RBFOX3: variants seen among roughly 807,000 people sequenced by gnomAD.
RBFOX3 encodes RNA binding fox-1 homolog 3, also known as RNA binding protein fox-1 homolog 3.
A neutral mutation model predicts 48.7 loss-of-function variants in RBFOX3; 17 were observed. That is an observed-to-expected ratio of 0.35 (90% CI 0.24 to 0.52). The LOEUF (loss-of-function observed/expected upper bound fraction) is 0.52, where lower values mean the gene tolerates loss of function less well. Among genes scored for constraint, RBFOX3 ranks in the 20% least tolerant of loss-of-function variants. The pLI, the probability that RBFOX3 is intolerant of heterozygous loss-of-function variation, is 0.94. For missense variants in RBFOX3, 382 were observed against 497.5 expected (o/e 0.77, Z 2.21); for synonymous variants, 212 against 209.5 (o/e 1.01, Z -0.10).
chr17:79,151,186 C>T (rs1389912101), intron 4 of RBFOX3, among the ~76,000 whole-genome samples: 1 of 151,934 alleles, frequency 6.6e-6, no homozygotes, highest in African/African-American at 2.4e-5. Context: ...GGCATCAGAC[C>T]CTGCGTGCTG....
intron 1 of RBFOX3, among the ~76,000 whole-genome samples, chr17:79,581,091 C>CA (rs1186524256): frequency 3.0e-4 from 45 of 152,032 alleles, no homozygotes; most frequent in African/African-American, 1.0e-3. Context: ...ACTAAAAATA[C>CA]AAAAAAATTA....
chr17:79,095,532 C>G lies in RBFOX3; in HGVS notation c.979G>C (p.Ala327Pro). 6.4e-7 allele frequency: 1 copy of G among 1,551,386 alleles called. No individual in the cohort carries two copies. The highest frequency in any genetic ancestry group is 2.4e-5 in the East Asian group (1 of 40,916). The stretch of plus-strand genomic sequence containing the variant: ...CCTCACCTGTCGCTGTAGGCTGCCG[C>G]CGCTGCAGCGGGCTGAGCGTATCTG... ...AYRYAQPAAA[A>P]AAYSDSYGRV... The change falls in exon 13 of 15, where the codon GCG becomes CCG. Residue 327 changes from alanine (A) to proline (P), a missense_variant. By Grantham distance (27) the Ala-to-Pro change is conservative. This residue lies in a region of RBFOX3 where 215 missense variants were observed against 254.8 expected (regional missense o/e 0.84). Transcript: ENST00000693108.
At chr17:79,383,363 C>T (rs566292939) in intron 2 of RBFOX3, among the ~76,000 whole-genome samples, 2 of 152,382 alleles carry the variant, frequency 1.3e-5, no homozygotes, top group Admixed American at 6.5e-5. Context: ...AGGCACCCTC[C>T]ACCACCCCAC....
intron 1 of RBFOX3, among the ~76,000 whole-genome samples, chr17:79,519,479 G>A (rs1447030521): frequency 6.6e-6 from 1 of 152,210 alleles, no homozygotes; most frequent in Non-Finnish European, 1.5e-5. Flanking sequence ...GAGGGAGGAG[G>A]CCACAGCCCT....
chr17:79,489,886 G>A (rs1702672), intron 1 of RBFOX3, among the ~76,000 whole-genome samples: 11 of 151,886 alleles, frequency 7.2e-5, no homozygotes, highest in East Asian at 3.9e-4. Context: ...TCTGTACCCC[G>A]CAAAACATAA....
rs1432524772 is a variant in RBFOX3 at position 79,482,281 on chromosome 17, T to C, written c.-175+173A>G. 2.0e-5 allele frequency among the ~76,000 whole-genome samples: 3 copies of C among 152,190 alleles called. No homozygotes were observed. The highest frequency in any genetic ancestry group is 7.2e-5 in the African/African-American group (3 of 41,448). ...CCATACCTTCTTGGGCGTCCGTCGA[T>C]GTTCCCCCTCCTACTCCACAAAGAC... On this transcript the variant is annotated intron_variant, in intron 2 of 14. Transcript: ENST00000693108. This position sits in a 1 kb window ranked among gnomAD's most constrained non-coding sequence, Gnocchi z 4.1.
intron 3 of RBFOX3, among the ~76,000 whole-genome samples, chr17:79,277,626 TG>T (rs1418080737): frequency 6.6e-6 from 1 of 152,190 alleles, no homozygotes; most frequent in Non-Finnish European, 1.5e-5. Context: ...GCTCACTGCC[TG>T]GACAGGCAGG....
At chr17:79,520,957 G>T (rs2085979096) in intron 1 of RBFOX3, among the ~76,000 whole-genome samples, 1 of 152,212 alleles carries the variant, frequency 6.6e-6, no homozygotes, top group Middle Eastern at 3.2e-3. Flanking sequence ...TCACAATGGT[G>T]ACGGCAGAGC....
In RBFOX3 at chr17:79,229,128, C is replaced by T. The variant is rs2060684532; in HGVS notation, c.-34+6638G>A. 4.8e-5 allele frequency among the ~76,000 whole-genome samples: 7 copies of T among 145,340 alleles called. No individual in the cohort carries two copies. In the South Asian group the frequency reaches 1.4e-3, roughly 28 times the overall value. The stretch of plus-strand genomic sequence containing the variant: ...CCTGTAATCCCAGCTACTTGGGAGG[C>T]TGAGGCAGGAGAATGGCTTGAGCAC... On this transcript the variant is annotated intron_variant, in intron 4 of 14. Coordinates refer to ENST00000693108, the MANE Select transcript of RBFOX3 (RefSeq NM_001350451.2).
intron 2 of RBFOX3, among the ~76,000 whole-genome samples, chr17:79,454,754 C>T (rs1555743675): frequency 6.6e-6 from 1 of 152,220 alleles, no homozygotes; most frequent in Non-Finnish European, 1.5e-5. Flanking sequence ...TCCTGTGGCC[C>T]ACTCCAGAAG....
Position 79,430,263 on chromosome 17 carries a change from A to G in RBFOX3, c.-175+52191T>C, listed in dbSNP as rs548256213. Reference sequence around the variant, plus strand: ...TTAGGAGAGTGAACCTGTCTAAAACATCTTCCAAATAAATAAATAAATAAA... The same window carrying G: ...TTAGGAGAGTGAACCTGTCTAAAACGTCTTCCAAATAAATAAATAAATAAA... On this transcript the variant is annotated intron_variant, in intron 2 of 14. Coordinates refer to ENST00000693108, the MANE Select transcript of RBFOX3 (RefSeq NM_001350451.2). Among the ~76,000 whole-genome samples, 386 of 138,944 alleles carry G rather than the reference A, an allele frequency of 2.8e-3. 2 individuals are homozygous for G. Among genetic ancestry groups the G allele is most frequent in the African/African-American group, 0.01 (374 of 36,718 alleles). The allele number at this position is 138,944 out of a possible 152,430, so 91.2% of individuals were successfully genotyped here. A position where few individuals can be genotyped will look rare whatever the true frequency, so the allele number is the denominator to read the frequency against.
chr17:79,097,094 G>C (rs890210978), intron 11 of RBFOX3, among the ~76,000 whole-genome samples, 198 bp downstream of exon 11: 2 of 152,064 alleles, frequency 1.3e-5, no homozygotes, highest in African/African-American at 4.8e-5. Context: ...AGTGACCTCC[G>C]CGATGCCCGC....
In RBFOX3 at chr17:79,481,653, G is replaced by A. The variant is rs1252679889; in HGVS notation, c.-175+801C>T. Among the ~76,000 whole-genome samples the A allele has an allele frequency of 6.6e-6, 1 of 152,182 alleles. No homozygotes were observed. Among genetic ancestry groups the A allele is most frequent in the African/African-American group, 2.4e-5 (1 of 41,454 alleles). On this transcript the variant is annotated intron_variant, in intron 2 of 14. Transcript: ENST00000693108. This position sits in a 1 kb window ranked among gnomAD's most constrained non-coding sequence, Gnocchi z 5.4. ...ACGTGGCTCGGGGAGCTTGCGGTTG[G>A]TGAACTTGTGGGTGAACCAGCAGGG...
intron 3 of RBFOX3, among the ~76,000 whole-genome samples, chr17:79,256,503 C>T (rs761892536): frequency 2.6e-5 from 4 of 152,168 alleles, no homozygotes; most frequent in Non-Finnish European, 5.9e-5. Context: ...TAATTGCAAA[C>T]CTGCTCCATT....
intron 4 of RBFOX3, among the ~76,000 whole-genome samples, chr17:79,149,475 G>C (rs1452501107): frequency 1.3e-5 from 2 of 152,168 alleles, no homozygotes; most frequent in African/African-American, 4.8e-5. Flanking sequence ...CTGGACACGA[G>C]AGTGGACCTG....
chr17:79,390,902 G>A lies in RBFOX3; in HGVS notation c.-174-83078C>T, dbSNP rs1258946863. ...CTCGGGATGAGCCCCTGGTGGGACTGCTCGGGTGCCGGCAGGGAGTTCCTG... is the reference window on the plus strand; with the variant it reads ...CTCGGGATGAGCCCCTGGTGGGACTACTCGGGTGCCGGCAGGGAGTTCCTG... On this transcript the variant is annotated intron_variant, in intron 2 of 14. Transcript: ENST00000693108. The surrounding 1 kb of genome is among the most constrained non-coding windows in gnomAD (Gnocchi z 4.2). Among the ~76,000 whole-genome samples, 4 of 152,172 alleles carry A rather than the reference G, an allele frequency of 2.6e-5. No homozygotes were observed. Among genetic ancestry groups the A allele is most frequent in the Admixed American group, 6.5e-5 (1 of 15,292 alleles).
chr17:79,121,330 G>A (rs949594751), intron 4 of RBFOX3, among the ~76,000 whole-genome samples: 3 of 152,092 alleles, frequency 2.0e-5, no homozygotes, highest in Admixed American at 2.0e-4. Context: ...CTGACAGGCT[G>A]CAGTCTCTCC....
intron 2 of RBFOX3, among the ~76,000 whole-genome samples, chr17:79,468,182 A>G (rs1052382035): frequency 2.0e-5 from 3 of 152,204 alleles, no homozygotes; most frequent in African/African-American, 7.2e-5. Flanking sequence ...AGGAGGATGA[A>G]GTTTCCAAAA....
At chr17:79,190,508 C>T (rs980676762) in intron 4 of RBFOX3, among the ~76,000 whole-genome samples, 3 of 151,552 alleles carry the variant, frequency 2.0e-5, no homozygotes, top group African/African-American at 7.3e-5. Flanking sequence ...AGTGGCATCA[C>T]GTCGCCCAGT....
Sources: allele counts gnomAD v4.1 joint callset (sites outside exome capture counted in the v4.1 genomes callset), GRCh38; gene constraint gnomAD v4.1.1; regional missense constraint gnomAD v4.1.1; non-coding constraint Gnocchi (gnomAD v3.1); transcripts MANE v1.5; gene names NCBI Gene and HGNC (gene_info 2026-07-23, HGNC 2026-07-21).